The following EXOC6 variants were observed in gnomAD, a reference collection of about 807,000 sequenced individuals.
The protein encoded by EXOC6 is exocyst complex component 6.
In EXOC6, 60 loss-of-function variants were observed where a neutral mutation model predicts 112.5. The observed-to-expected ratio is 0.53, with a 90% CI of 0.43 to 0.66. EXOC6 has a LOEUF of 0.66. Ranked by LOEUF, EXOC6 falls within the 30% of genes least tolerant of loss-of-function variation. EXOC6 has a pLI of 0.00. For missense variants in EXOC6, 855 were observed against 957.1 expected (o/e 0.89, Z 1.41); for synonymous variants, 295 against 308.0 (o/e 0.96, Z 0.44).
chr10:92,977,676 G>GACACACAC (rs10636165), intron 18 of EXOC6, among the ~76,000 whole-genome samples: 2 of 150,606 alleles, frequency 1.3e-5, no homozygotes, highest in South Asian at 4.2e-4. Context: ...CGTGCTTGCA[G>GACACACAC]ACACACACAC....
intron 19 of EXOC6, among the ~76,000 whole-genome samples, chr10:93,004,280 G>A (rs1395024070): frequency 1.3e-5 from 2 of 152,094 alleles, no homozygotes; most frequent in African/African-American, 4.8e-5. Flanking sequence ...TGAAATTGCA[G>A]GTATCTTACA....
chr10:92,850,157 T>A (rs1016481741), intron 1 of EXOC6, among the ~76,000 whole-genome samples: 4 of 152,226 alleles, frequency 2.6e-5, no homozygotes, highest in Non-Finnish European at 5.9e-5. Context: ...AAAATAGTAC[T>A]GGTTATGAAG....
intron 18 of EXOC6, among the ~76,000 whole-genome samples, chr10:92,984,958 C>T (rs529491232): frequency 6.6e-6 from 1 of 152,062 alleles, no homozygotes; most frequent in Non-Finnish European, 1.5e-5. Context: ...ATGATTGCAT[C>T]ACTGCACTCC....
rs1423983542 is a variant in EXOC6 at position 92,843,044 on chromosome 10, G to A, written c.86+8220G>A. 2.6e-5 allele frequency among the ~76,000 whole-genome samples: 4 copies of A among 152,300 alleles called. No homozygotes were observed. In the East Asian group the frequency reaches 7.7e-4, roughly 29 times the overall value. On this transcript the variant is annotated intron_variant, in intron 1 of 21. Transcript: ENST00000371552. ...CAAACATTTAATAAAAATAGTTGTT[G>A]AATGAACAAAACCCGGGGCTAGTTG...
chr10:92,889,567 A>G (rs571721171), intron 1 of EXOC6, among the ~76,000 whole-genome samples: 1 of 151,980 alleles, frequency 6.6e-6, no homozygotes, highest in Admixed American at 6.6e-5. Flanking sequence ...TCTTTTCTCT[A>G]TTGTATTACC....
At chr10:92,951,638 T>C (rs186444048) in intron 14 of EXOC6, among the ~76,000 whole-genome samples, 2 of 152,298 alleles carry the variant, frequency 1.3e-5, no homozygotes, top group South Asian at 4.1e-4. Context: ...AGGGTTTTTT[T>C]AATAACAATC....
chr10:92,898,593 T>C (rs1445200768), intron 4 of EXOC6, among the ~76,000 whole-genome samples: 7 of 152,192 alleles, frequency 4.6e-5, no homozygotes, highest in Non-Finnish European at 8.8e-5. Context: ...AAGTTTATAC[T>C]TATTGCAGCA....
intron 17 of EXOC6, among the ~76,000 whole-genome samples, chr10:92,955,947 G>A (rs1853672526): frequency 6.6e-6 from 1 of 152,038 alleles, no homozygotes; most frequent in African/African-American, 2.4e-5. Flanking sequence ...CTTTGTTCAT[G>A]TTTTGATGAT....
intron 14 of EXOC6, among the ~76,000 whole-genome samples, 194 bp downstream of exon 14, chr10:92,948,573 C>CACTACTACTACT (rs71028860): frequency 0.067 from 9,331 of 140,092 alleles, 355 homozygotes; most frequent in Non-Finnish European, 0.085. Context: ...CTACTACTAC[C>CACTACTACTACT]ACTACTACTA....
rs375514003 is a variant in EXOC6, at chr10:93,026,255, C to T, written c.2169+11988C>T. On this transcript the variant is annotated intron_variant, in intron 20 of 21. Coordinates refer to ENST00000260762, the MANE Select transcript of EXOC6 (RefSeq NM_019053.6). Reference sequence around the variant, plus strand: ...GCACACATTTCCGTTTGAGTGTTTACCTAGGAGTGGAATTGCTGAGTCAGG... The same window carrying T: ...GCACACATTTCCGTTTGAGTGTTTATCTAGGAGTGGAATTGCTGAGTCAGG... 9.9e-5 allele frequency among the ~76,000 whole-genome samples: 15 copies of T among 152,178 alleles called. No individual in the cohort carries two copies. In the South Asian group the frequency reaches 3.1e-3, roughly 32 times the overall value.
chr10:92,973,503 G>T (rs1368174483), intron 17 of EXOC6, among the ~76,000 whole-genome samples: 1 of 152,166 alleles, frequency 6.6e-6, no homozygotes, highest in Non-Finnish European at 1.5e-5. Flanking sequence ...TACTTTTATG[G>T]ATGAGAAAAT....
intron 18 of EXOC6, among the ~76,000 whole-genome samples, chr10:92,976,472 C>G (rs569970317): frequency 3.3e-5 from 5 of 151,684 alleles, no homozygotes; most frequent in East Asian, 1.9e-4. Context: ...GCAGCATGCT[C>G]GTTAAGAGTC....
chr10:93,038,628 T>G (rs75412381), intron 20 of EXOC6, among the ~76,000 whole-genome samples: 2,303 of 152,296 alleles, frequency 0.015, 53 homozygotes, highest in African/African-American at 0.052. Context: ...TATTGAGCTT[T>G]CCAGTGGTTT....
At chr10:92,883,950 G>T (rs1280275443) in intron 1 of EXOC6, among the ~76,000 whole-genome samples, 1 of 152,100 alleles carries the variant, frequency 6.6e-6, no homozygotes, top group East Asian at 1.9e-4. Context: ...AGGCTGGAGT[G>T]CAGTGGTGCG....
At chr10:92,921,954 C>CT (rs1047363742) in intron 8 of EXOC6, among the ~76,000 whole-genome samples, 29 of 150,858 alleles carry the variant, frequency 1.9e-4, no homozygotes, top group East Asian at 3.9e-4. Context: ...TAATTTCTTT[C>CT]TTTTTTTTTG....
At chr10:92,933,235 T>G (rs1436283234) in intron 9 of EXOC6, among the ~76,000 whole-genome samples, 27 of 152,058 alleles carry the variant, frequency 1.8e-4, no homozygotes, top group Non-Finnish European at 2.9e-5. Flanking sequence ...ACAAGTATAG[T>G]GAGTTTTAAA....
chr10:93,015,008 C>T (rs1345098136), intron 20 of EXOC6, among the ~76,000 whole-genome samples: 1 of 151,428 alleles, frequency 6.6e-6, no homozygotes, highest in Non-Finnish European at 1.5e-5. Flanking sequence ...ACAAGGGGGT[C>T]ATAGTAGGAA....
chr10:92,935,683 A>G (rs1030619561), intron 11 of EXOC6, 131 bp from the exon 12 acceptor site: 57 of 715,334 alleles, frequency 8.0e-5, no homozygotes, highest in Non-Finnish European at 4.0e-5. Flanking sequence ...AACCAACCAA[A>G]ATTTTAAACT....
At chr10:93,013,354 C>T (rs998253334) in intron 19 of EXOC6, among the ~76,000 whole-genome samples, 8 of 152,098 alleles carry the variant, frequency 5.3e-5, no homozygotes, top group Non-Finnish European at 1.2e-4. Flanking sequence ...ACCTGTAATC[C>T]TAGCACTTTG....
Sources: allele counts gnomAD v4.1 joint callset (sites outside exome capture counted in the v4.1 genomes callset), GRCh38; gene constraint gnomAD v4.1.1; transcripts MANE v1.5; gene names NCBI Gene and HGNC (gene_info 2026-07-23, HGNC 2026-07-21).